ITGA9: variants seen among roughly 807,000 people sequenced by gnomAD.
The protein encoded by ITGA9 is integrin alpha-9.
A neutral mutation model predicts 127.8 loss-of-function variants in ITGA9; 56 were observed. That is an observed-to-expected ratio of 0.44 (90% CI 0.35 to 0.55). The LOEUF (loss-of-function observed/expected upper bound fraction) is 0.55, where lower values mean the gene tolerates loss of function less well. Ranked by LOEUF, ITGA9 falls within the 20% of genes least tolerant of loss-of-function variation. The pLI, the probability that ITGA9 is intolerant of heterozygous loss-of-function variation, is 0.00. For synonymous variants in ITGA9, 508 were observed against 514.5 expected (o/e 0.99, Z 0.17); for missense variants, 1,196 against 1,347.1 (o/e 0.89, Z 1.76).
chr3:37,664,437 T>G (rs1700565723), intron 17 of ITGA9, among the ~76,000 whole-genome samples: 1 of 149,964 alleles, frequency 6.7e-6, no homozygotes, highest in Non-Finnish European at 1.5e-5. Context: ...TTTTTTTTTT[T>G]TTTTTAGACG....
chr3:37,810,588 G>A (rs746381478), intron 27 of ITGA9, among the ~76,000 whole-genome samples: 1 of 151,914 alleles, frequency 6.6e-6, no homozygotes, highest in African/African-American at 2.4e-5. Flanking sequence ...GCTAATTTTT[G>A]TATTTTTAGT....
At chr3:37,522,060 C>A (rs578093699) in intron 11 of ITGA9, among the ~76,000 whole-genome samples, 5 of 152,094 alleles carry the variant, frequency 3.3e-5, no homozygotes, top group South Asian at 2.1e-4. Flanking sequence ...TGTGAAAACT[C>A]CCCCCTCCTT....
In ITGA9 at chr3:37,481,622, A is replaced by AT. The variant is rs747669880; in HGVS notation, c.544+20dup. On this transcript the variant is annotated intron_variant, in intron 4 of 27. Transcript: ENST00000264741. ...TTGCTATGAAGGTGAGCATGGATTGATTTTTCCTCATCCCCCTACCCACCT... is the reference window on the plus strand; with the variant it reads ...TTGCTATGAAGGTGAGCATGGATTGATTTTTTCCTCATCCCCCTACCCACCT... 4 of 1,613,942 alleles carry AT rather than the reference A, an allele frequency of 2.5e-6. No homozygotes were observed. The South Asian group carries it at 4.4e-5, about 18-fold the overall frequency.
chr3:37,617,469 T>C (rs145173566), intron 15 of ITGA9, among the ~76,000 whole-genome samples: 1 of 152,326 alleles, frequency 6.6e-6, no homozygotes, highest in African/African-American at 2.4e-5. Context: ...AGGAGTATCT[T>C]TGTGGCATTC....
chr3:37,817,343 A>G (rs1169445462), intron 27 of ITGA9, among the ~76,000 whole-genome samples: 5 of 152,206 alleles, frequency 3.3e-5, no homozygotes, highest in South Asian at 2.1e-4. Context: ...TGGCAAGCCT[A>G]CCAGCACCAG....
At chr3:37,698,476 C>T (rs967501964) in intron 18 of ITGA9, among the ~76,000 whole-genome samples, 5 of 152,166 alleles carry the variant, frequency 3.3e-5, no homozygotes, top group African/African-American at 7.2e-5. Context: ...TTAGGTCTAA[C>T]ATCTAAGTTT....
At chr3:37,705,156 G>A (rs1297729127) in intron 18 of ITGA9, among the ~76,000 whole-genome samples, 1 of 152,186 alleles carries the variant, frequency 6.6e-6, no homozygotes, top group Non-Finnish European at 1.5e-5. Context: ...ATTCAGCAAA[G>A]TTATGTGTTA....
chr3:37,554,310 C>T (rs1575147782), intron 15 of ITGA9, among the ~76,000 whole-genome samples: 5 of 151,964 alleles, frequency 3.3e-5, no homozygotes, highest in Middle Eastern at 3.4e-3. Context: ...ACAGCGGGTT[C>T]CTGGAGGAGG....
At chr3:37,811,006 C>T (rs1697362512) in intron 27 of ITGA9, among the ~76,000 whole-genome samples, 1 of 152,194 alleles carries the variant, frequency 6.6e-6, no homozygotes, top group Non-Finnish European at 1.5e-5. Flanking sequence ...CTGCTGGCAT[C>T]TCAGGCATCT....
At chr3:37,815,821 T>C (rs749260701) in intron 27 of ITGA9, among the ~76,000 whole-genome samples, 22 of 152,128 alleles carry the variant, frequency 1.4e-4, no homozygotes, top group Non-Finnish European at 2.6e-4. Context: ...GTTCTGTGGG[T>C]TGGCTATTTG....
At chr3:37,765,544 G>T (rs2685104) in intron 23 of ITGA9, among the ~76,000 whole-genome samples, 57,901 of 151,996 alleles carry the variant, frequency 0.38, 13,320 homozygotes, top group South Asian at 0.62. Flanking sequence ...GTCAGGATTA[G>T]GTTTGCCTTA....
At position 37,493,064 on chromosome 3, in the gene ITGA9, C is replaced by CCGGACAAGG. The variant is rs1277333540; in HGVS notation, c.545-1433_545-1425dup. On this transcript the variant is annotated intron_variant, in intron 4 of 27. Transcript: ENST00000264741. ...GGTCTAGCAGTTGTCCTTATAATAA[C>CCGGACAAGG]CGGACAAGGCGGGAGAACTGATTTT... 5.4e-5 allele frequency among the ~76,000 whole-genome samples: 8 copies of CCGGACAAGG among 148,960 alleles called. No homozygotes were observed. The East Asian group carries it at 1.4e-3, about 26-fold the overall frequency.
At chr3:37,611,045 A>G (rs755563596) in intron 15 of ITGA9, among the ~76,000 whole-genome samples, 43 of 152,214 alleles carry the variant, frequency 2.8e-4, no homozygotes, top group Non-Finnish European at 4.6e-4. Context: ...AAAAAAAGTA[A>G]AGCATCAGGT....
intron 17 of ITGA9, among the ~76,000 whole-genome samples, chr3:37,657,266 T>A (rs553011773): frequency 6.6e-6 from 1 of 152,350 alleles, no homozygotes; most frequent in Admixed American, 6.5e-5. Context: ...GAAGGAATGA[T>A]ACCAGATCCT....
chr3:37,730,926 A>G (rs1696283301), intron 18 of ITGA9, among the ~76,000 whole-genome samples: 2 of 152,250 alleles, frequency 1.3e-5, no homozygotes, highest in Non-Finnish European at 2.9e-5. Flanking sequence ...CCACAACAGA[A>G]CAGGATGGGC....
chr3:37,468,569 A>G (rs950181904), intron 1 of ITGA9, among the ~76,000 whole-genome samples: 4 of 152,088 alleles, frequency 2.6e-5, no homozygotes, highest in African/African-American at 9.7e-5. Flanking sequence ...CCCTTTGCCT[A>G]GCTGGAGTGT....
chr3:37,533,534 C>T (rs1018322109), intron 14 of ITGA9, 66 bp downstream of exon 14: 26 of 1,537,430 alleles, frequency 1.7e-5, no homozygotes, highest in African/African-American at 1.2e-4. Context: ...GGGATATTTC[C>T]GATGTTCCCT....
chr3:37,780,173 A>G lies in ITGA9; in HGVS notation c.2787+152A>G, dbSNP rs1215042657. On this transcript the variant is annotated intron_variant, in intron 25 of 27. Transcript: ENST00000264741. Reference sequence around the variant, plus strand: ...CCCCCCTTTTGGCTGTCTACAAGAGACTGTTTTTATTTTTATGTATTTAGG... The same window carrying G: ...CCCCCCTTTTGGCTGTCTACAAGAGGCTGTTTTTATTTTTATGTATTTAGG... 24 of 860,466 alleles carry G rather than the reference A, an allele frequency of 2.8e-5. No individual in the cohort carries two copies. In the African/African-American group the frequency reaches 3.4e-4, roughly 12 times the overall value. The allele number at this position is 860,466 out of a possible 1,614,324, so 53.3% of individuals were successfully genotyped here.
At chr3:37,795,658 A>G (rs1697163258) in intron 26 of ITGA9, among the ~76,000 whole-genome samples, 1 of 152,142 alleles carries the variant, frequency 6.6e-6, no homozygotes, top group South Asian at 2.1e-4. Flanking sequence ...GGTCCGCACC[A>G]GGCCATCAGC....
Sources: gnomAD v4.1 joint callset for allele counts (sites outside exome capture counted in the v4.1 genomes callset) on GRCh38, gnomAD v4.1.1 for gene constraint, MANE v1.5 for transcripts, NCBI Gene and HGNC (gene_info 2026-07-23, HGNC 2026-07-21) for gene names.